LYPLA1: variants seen among roughly 807,000 people sequenced by gnomAD.
LYPLA1 encodes the protein acyl-protein thioesterase 1.
Under a neutral mutation model 34.0 loss-of-function variants are expected in LYPLA1, and 17 were observed. That is an observed-to-expected ratio of 0.50 (90% CI 0.34 to 0.75). LYPLA1 has a LOEUF of 0.75. LYPLA1 is among the 30% of genes least tolerant of loss of function. LYPLA1 has a pLI of 0.01. For missense variants in LYPLA1, 203 were observed against 288.8 expected (o/e 0.70, Z 2.15); for synonymous variants, 98 against 100.8 (o/e 0.97, Z 0.17).
chr8:54,056,484 A>G (rs1389113515), intron 5 of LYPLA1, among the ~76,000 whole-genome samples: 1 of 152,210 alleles, frequency 6.6e-6, no homozygotes, highest in South Asian at 2.1e-4. Context: ...AGCAAAGGAT[A>G]CAATCAACAA....
intron 2 of LYPLA1, among the ~76,000 whole-genome samples, chr8:54,091,736 G>C (rs1809297634): frequency 1.3e-5 from 2 of 152,096 alleles, no homozygotes; most frequent in Admixed American, 1.3e-4. Context: ...CAGTCTGGTG[G>C]TTCTCAGAAG....
At chr8:54,094,649 T>C (rs556615213) in intron 2 of LYPLA1, among the ~76,000 whole-genome samples, 1 of 152,342 alleles carries the variant, frequency 6.6e-6, no homozygotes, top group South Asian at 2.1e-4. Context: ...GGAGCACATA[T>C]AGCATCCAGA....
chr8:54,078,667 G>A (rs1808081242), intron 2 of LYPLA1, among the ~76,000 whole-genome samples: 1 of 152,168 alleles, frequency 6.6e-6, no homozygotes, highest in Non-Finnish European at 1.5e-5. Context: ...TTGTGACTTT[G>A]GGATAAGCAG....
At chr8:54,101,479 A>C (rs1810145109) in intron 1 of LYPLA1, 2 of 1,113,362 alleles carry the variant, frequency 1.8e-6, no homozygotes, top group Non-Finnish European at 1.1e-6. Flanking sequence ...GCAGAGGCTG[A>C]CGCCGTGCCC....
intron 2 of LYPLA1, among the ~76,000 whole-genome samples, chr8:54,079,856 AG>A (rs1808184204): frequency 6.6e-6 from 1 of 152,190 alleles, no homozygotes; most frequent in Admixed American, 6.6e-5. Flanking sequence ...TCTCTGCAAA[AG>A]ATAACAGTAT....
At chr8:54,072,571 C>T (rs2129341927) in intron 2 of LYPLA1, among the ~76,000 whole-genome samples, 1 of 152,026 alleles carries the variant, frequency 6.6e-6, no homozygotes, top group Non-Finnish European at 1.5e-5. Flanking sequence ...TGTGGTGTAG[C>T]CATTCTTTTA....
chr8:54,090,733 G>C (rs954529633), intron 2 of LYPLA1, among the ~76,000 whole-genome samples: 9 of 152,310 alleles, frequency 5.9e-5, no homozygotes, highest in Non-Finnish European at 1.2e-4. Flanking sequence ...AACAAAGAGA[G>C]AGCCCCATTG....
intron 5 of LYPLA1, among the ~76,000 whole-genome samples, chr8:54,061,471 G>A (rs1268167721): frequency 2.6e-5 from 4 of 152,200 alleles, no homozygotes; most frequent in Non-Finnish European, 5.9e-5. Flanking sequence ...GTTTAAAGTT[G>A]ATAAATGCCA....
At chr8:54,085,769 G>A (rs544369943) in intron 2 of LYPLA1, among the ~76,000 whole-genome samples, 224 of 20,292 alleles carry the variant, frequency 0.011, 2 homozygotes, top group African/African-American at 0.042. Flanking sequence ...TAGGTGGGGG[G>A]GCAGCCCCCA....
rs571289031 is a variant in LYPLA1 at position 54,091,781 on chromosome 8, G to A, written c.101+9127C>T. Among the ~76,000 whole-genome samples the A allele has an allele frequency of 2.6e-5, 4 of 151,998 alleles. No individual in the cohort carries two copies. In the South Asian group the frequency reaches 6.2e-4, roughly 24 times the overall value. On this transcript the variant is annotated intron_variant, in intron 2 of 8. Coordinates refer to ENST00000316963, the MANE Select transcript of LYPLA1 (RefSeq NM_006330.4). ...CAGACCTGTACTATCAGTATCCAAT[G>A]AGAACTTGTTAGAAATGCAAATTCT... is the stretch of plus-strand genomic sequence containing the variant.
chr8:54,089,492 T>TGGGAG (rs1554549470), intron 2 of LYPLA1, among the ~76,000 whole-genome samples: 1 of 102,974 alleles, frequency 9.7e-6, no homozygotes, highest in Non-Finnish European at 1.7e-5. Flanking sequence ...CAGACATCCC[T>TGGGAG]GGGGGGGGGC....
chr8:54,092,858 TG>T (rs1360815757), intron 2 of LYPLA1, among the ~76,000 whole-genome samples: 2 of 152,144 alleles, frequency 1.3e-5, no homozygotes, highest in Non-Finnish European at 1.5e-5. Context: ...AGGACCTGTG[TG>T]GTGGCACGCA....
intron 2 of LYPLA1, among the ~76,000 whole-genome samples, chr8:54,068,345 T>C (rs1390161468): frequency 6.6e-6 from 1 of 152,128 alleles, no homozygotes; most frequent in Non-Finnish European, 1.5e-5. Flanking sequence ...CCACCTGACT[T>C]TGCACATATT....
At position 54,050,643 on chromosome 8, in the gene LYPLA1, C is replaced by T. The variant is rs1212468318; in HGVS notation, c.639+369G>A. On this transcript the variant is annotated intron_variant, in intron 8 of 8. Transcript: ENST00000316963. Reference sequence around the variant, plus strand: ...TCCTAAGATAAAATTAATCTCTTCTCAGTTTTTCAGGGCACCTTTTGTTAT... The same window carrying T: ...TCCTAAGATAAAATTAATCTCTTCTTAGTTTTTCAGGGCACCTTTTGTTAT... Among the ~76,000 whole-genome samples, 8 of 152,292 alleles carry T rather than the reference C, an allele frequency of 5.3e-5. No individual in the cohort carries two copies. In the East Asian group the frequency reaches 1.4e-3, roughly 26 times the overall value.
rs745643513 is a variant in LYPLA1, at chr8:54,065,729, G to A, written c.167+19C>T. On this transcript the variant is annotated intron_variant, in intron 3 of 8. Transcript: ENST00000316963. ...TCTCCAGACTCTGAATCACAAGCCTGAAGATCAGAAATACTCACGCATGCG... is the reference window on the plus strand; with the variant it reads ...TCTCCAGACTCTGAATCACAAGCCTAAAGATCAGAAATACTCACGCATGCG... 2.7e-5 allele frequency: 43 copies of A among 1,607,646 alleles called. No homozygotes were observed. In the Admixed American group the frequency reaches 7.2e-4, roughly 27 times the overall value.
intron 2 of LYPLA1, among the ~76,000 whole-genome samples, chr8:54,081,514 A>G (rs1808318629): frequency 6.6e-6 from 1 of 151,484 alleles, no homozygotes; most frequent in South Asian, 2.1e-4. Flanking sequence ...GCAGCCTGTA[A>G]TCTCTTCACT....
At chr8:54,089,663 C>T (rs189639416) in intron 2 of LYPLA1, among the ~76,000 whole-genome samples, 20 of 150,748 alleles carry the variant, frequency 1.3e-4, no homozygotes, top group Middle Eastern at 3.4e-3. Flanking sequence ...CTCACTGTTG[C>T]GCAAGCTGGA....
At chr8:54,059,405 C>T (rs1440600612) in intron 5 of LYPLA1, among the ~76,000 whole-genome samples, 3 of 120,906 alleles carry the variant, frequency 2.5e-5, no homozygotes, top group African/African-American at 4.2e-5. Flanking sequence ...CCCGGGTTCA[C>T]GCCATTCTCC....
At chr8:54,092,870 C>T (rs1181895499) in intron 2 of LYPLA1, among the ~76,000 whole-genome samples, 1 of 152,138 alleles carries the variant, frequency 6.6e-6, no homozygotes, top group East Asian at 1.9e-4. Context: ...GTGGCACGCA[C>T]ACATATTATT....
Sources: allele counts gnomAD v4.1 joint callset (sites outside exome capture counted in the v4.1 genomes callset), GRCh38; gene constraint gnomAD v4.1.1; transcripts MANE v1.5; gene names NCBI Gene and HGNC (gene_info 2026-07-23, HGNC 2026-07-21).